ACOXL: variants seen among roughly 807,000 people sequenced by gnomAD.
The protein encoded by ACOXL is acyl-CoA oxidase like, also known as acyl-coenzyme A oxidase-like protein.
ACOXL carries 70 observed loss-of-function variants against 71.9 expected under a neutral mutation model. The observed-to-expected ratio is 0.97, with a 90% CI of 0.80 to 1.19. The LOEUF is 1.19. Ranked by LOEUF, ACOXL falls within the 50% of genes most tolerant of loss-of-function variation. The probability of loss-of-function intolerance (pLI) is 0.00; values close to 1 mark genes in which losing one functional copy is unlikely to be tolerated. For synonymous variants in ACOXL, 253 were observed against 281.6 expected (o/e 0.90, Z 1.02); for missense variants, 703 against 736.3 (o/e 0.95, Z 0.52).
intron 1 of ACOXL, 107 bp from the exon 2 acceptor site, chr2:110,768,261 C>A: frequency 2.5e-6 from 2 of 793,576 alleles, no homozygotes; most frequent in South Asian, 1.6e-5. Flanking sequence ...ATCAAACAAG[C>A]ATTACAATGG....
At chr2:110,946,675 A>C (rs529723242) in intron 12 of ACOXL, among the ~76,000 whole-genome samples, 1 of 152,132 alleles carries the variant, frequency 6.6e-6, no homozygotes, top group African/African-American at 2.4e-5. Flanking sequence ...TTTTCCAACT[A>C]TCTGAATTTG....
intron 9 of ACOXL, among the ~76,000 whole-genome samples, chr2:110,810,350 G>GT (rs1687156162): frequency 2.0e-5 from 3 of 152,110 alleles, no homozygotes; most frequent in South Asian, 4.1e-4. Flanking sequence ...CAGGGATTGT[G>GT]TTTTTTTATT....
chr2:110,920,883 A>G (rs1425319145), intron 11 of ACOXL, among the ~76,000 whole-genome samples: 1 of 151,834 alleles, frequency 6.6e-6, no homozygotes, highest in Admixed American at 6.6e-5. Flanking sequence ...CAACATACAA[A>G]CCCTACTCAT....
intron 16 of ACOXL, among the ~76,000 whole-genome samples, chr2:111,050,967 A>T (rs1380766564): frequency 6.6e-6 from 1 of 152,120 alleles, no homozygotes; most frequent in Non-Finnish European, 1.5e-5. Flanking sequence ...TGGGGTTGGG[A>T]GAGGAAGGCT....
chr2:111,096,508 T>G (rs1392552619), intron 17 of ACOXL, among the ~76,000 whole-genome samples: 2 of 152,210 alleles, frequency 1.3e-5, no homozygotes, highest in Admixed American at 6.5e-5. Context: ...CTCAAAGTGC[T>G]GGGATTACAG....
At chr2:110,965,581 TG>T (rs2061888445) in intron 12 of ACOXL, among the ~76,000 whole-genome samples, 1 of 152,208 alleles carries the variant, frequency 6.6e-6, no homozygotes, top group African/African-American at 2.4e-5. Context: ...CGCTAGGTGA[TG>T]GGAAATTTTT....
chr2:110,967,122 AGT>A (rs2061968870), intron 12 of ACOXL, among the ~76,000 whole-genome samples: 1 of 152,246 alleles, frequency 6.6e-6, no homozygotes, highest in African/African-American at 2.4e-5. Flanking sequence ...CCACTATAAA[AGT>A]GTTTCAAAGG....
intron 10 of ACOXL, among the ~76,000 whole-genome samples, chr2:110,850,150 G>A (rs549954254): frequency 1.4e-4 from 22 of 152,288 alleles, no homozygotes; most frequent in Non-Finnish European, 3.1e-4. Flanking sequence ...GCCTAAAACC[G>A]TAAACCTTCT....
At chr2:111,052,205 C>G (rs570486970) in intron 16 of ACOXL, among the ~76,000 whole-genome samples, 1 of 152,132 alleles carries the variant, frequency 6.6e-6, no homozygotes, top group Non-Finnish European at 1.5e-5. Flanking sequence ...GCTAGTCAGC[C>G]GGCAATAGAA....
At chr2:111,022,801 G>A (rs1018185407) in intron 14 of ACOXL, among the ~76,000 whole-genome samples, 2 of 152,148 alleles carry the variant, frequency 1.3e-5, no homozygotes, top group Admixed American at 6.5e-5. Context: ...AGGTGACCAC[G>A]CTGGAAGCCC....
intron 16 of ACOXL, among the ~76,000 whole-genome samples, chr2:111,058,370 G>C: frequency 6.6e-6 from 1 of 152,140 alleles, no homozygotes; most frequent in South Asian, 2.1e-4. Flanking sequence ...AGGTGTCTAG[G>C]GGGATCCCAG....
intron 9 of ACOXL, among the ~76,000 whole-genome samples, chr2:110,809,033 G>C (rs1445925942): frequency 6.6e-6 from 1 of 152,222 alleles, no homozygotes; most frequent in East Asian, 1.9e-4. Context: ...TTATCTCTTA[G>C]CAGAGGGAAG....
chr2:110,976,535 C>A (rs551413946), intron 12 of ACOXL, among the ~76,000 whole-genome samples: 1 of 152,262 alleles, frequency 6.6e-6, no homozygotes, highest in Non-Finnish European at 1.5e-5. Context: ...TATGCATTTT[C>A]TGAAAAATGT....
At chr2:111,036,520 A>G (rs904830131) in intron 15 of ACOXL, among the ~76,000 whole-genome samples, 1 of 152,212 alleles carries the variant, frequency 6.6e-6, no homozygotes, top group African/African-American at 2.4e-5. Context: ...GGAGGTCCCA[A>G]CATTGGGGAA....
intron 10 of ACOXL, among the ~76,000 whole-genome samples, chr2:110,893,219 C>T (rs567863789): frequency 1.3e-5 from 2 of 151,976 alleles, no homozygotes; most frequent in African/African-American, 4.8e-5. Flanking sequence ...AATATGACTA[C>T]CAATGGTTTA....
At chr2:110,782,532 C>T (rs1683464225) in intron 2 of ACOXL, among the ~76,000 whole-genome samples, 1 of 152,174 alleles carries the variant, frequency 6.6e-6, no homozygotes, top group South Asian at 2.1e-4. Context: ...CTCCTATTGT[C>T]ATTTCCCATG....
Position 111,063,082 on chromosome 2 carries a change from G to A in ACOXL, c.1440+13794G>A, listed in dbSNP as rs1254411809. Among the ~76,000 whole-genome samples the A allele has an allele frequency of 2.0e-5, 3 of 152,076 alleles. No homozygotes were observed. In the East Asian group the frequency reaches 5.8e-4, roughly 29 times the overall value. On this transcript the variant is annotated intron_variant, in intron 16 of 17. Transcript: ENST00000439055. ...TTATTCGAAAACACACAATACCACA[G>A]CTTTCTCAACATGAGATAATTTGGA...
chr2:110,949,655 A>G (rs937985201), intron 12 of ACOXL, among the ~76,000 whole-genome samples: 2 of 152,152 alleles, frequency 1.3e-5, no homozygotes, highest in Non-Finnish European at 2.9e-5. Context: ...TTTTTTAAAA[A>G]AATCATTTTT....
intron 9 of ACOXL, among the ~76,000 whole-genome samples, chr2:110,805,614 C>A (rs1686542919): frequency 6.6e-6 from 1 of 152,198 alleles, no homozygotes; most frequent in South Asian, 2.1e-4. Flanking sequence ...CAGATGTGTG[C>A]TGCTAATCGT....
Sources: allele counts gnomAD v4.1 joint callset (sites outside exome capture counted in the v4.1 genomes callset), GRCh38; gene constraint gnomAD v4.1.1; transcripts MANE v1.5; gene names NCBI Gene and HGNC (gene_info 2026-07-23, HGNC 2026-07-21).